PIK3CB: variants seen among roughly 807,000 people sequenced by gnomAD.
PIK3CB encodes phosphatidylinositol 4,5-bisphosphate 3-kinase catalytic subunit beta isoform.
A neutral mutation model predicts 136.8 loss-of-function variants in PIK3CB; 39 were observed. The ratio of observed to expected loss-of-function variants is 0.29; its 90% confidence interval spans 0.22 to 0.37. The LOEUF (loss-of-function observed/expected upper bound fraction) is 0.37. Among genes scored for constraint, PIK3CB ranks in the 10% least tolerant of loss-of-function variants. PIK3CB has a pLI of 1.00. For synonymous variants in PIK3CB, 428 were observed against 436.6 expected (o/e 0.98, Z 0.25); for missense variants, 868 against 1,275.4 (o/e 0.68, Z 4.87).
chr3:138,814,120 C>G (rs1933194327), intron 1 of PIK3CB, among the ~76,000 whole-genome samples: 1 of 152,152 alleles, frequency 6.6e-6, no homozygotes, highest in Non-Finnish European at 1.5e-5. Context: ...GAAAAGACAA[C>G]TTGCCCAAGA....
intron 11 of PIK3CB, among the ~76,000 whole-genome samples, chr3:138,705,200 A>AAAAAT (rs2044353746): frequency 6.9e-6 from 1 of 144,170 alleles, no homozygotes; most frequent in Non-Finnish European, 1.5e-5. Flanking sequence ...CAAAAAAAAA[A>AAAAAT]ACTTATATTT....
At chr3:138,798,841 G>C (rs935669399) in intron 1 of PIK3CB, among the ~76,000 whole-genome samples, 1 of 151,906 alleles carries the variant, frequency 6.6e-6, no homozygotes, top group Non-Finnish European at 1.5e-5. Context: ...CCTTGGAAAA[G>C]GATATTTTCT....
intron 19 of PIK3CB, among the ~76,000 whole-genome samples, chr3:138,679,936 T>TAAAAAACGAAAAAAGAAAAAAAA: frequency 9.0e-6 from 1 of 110,850 alleles, no homozygotes; most frequent in Non-Finnish European, 1.9e-5. Context: ...AACACAAAAG[T>TAAAAAACGAAAAAAGAAAAAAAA]AAAAAAAAAA....
intron 1 of PIK3CB, among the ~76,000 whole-genome samples, chr3:138,814,618 C>T (rs1386184839): frequency 1.3e-5 from 2 of 152,128 alleles, no homozygotes; most frequent in Non-Finnish European, 2.9e-5. Flanking sequence ...TTCCCCAACC[C>T]TCCACCTTCC....
chr3:138,809,736 T>C lies in PIK3CB; in HGVS notation c.-121-13169A>G, dbSNP rs539147468. 3.9e-5 allele frequency among the ~76,000 whole-genome samples: 6 copies of C among 152,266 alleles called. No homozygotes were observed. The South Asian group carries it at 1.2e-3, about 32-fold the overall frequency. The stretch of plus-strand genomic sequence containing the variant: ...AGAAACATCAGTATAAACTAATGTT[T>C]AGCTTAACACAGACATAGTTAAGTA... On this transcript the variant is annotated intron_variant, in intron 1 of 23. Transcript: ENST00000674063.
At chr3:138,687,228 C>CAAA (rs11288177) in intron 16 of PIK3CB, among the ~76,000 whole-genome samples, 2 of 142,406 alleles carry the variant, frequency 1.4e-5, no homozygotes, top group Non-Finnish European at 1.6e-5. Context: ...ATTCATCAAT[C>CAAA]AAAAAAAAAA....
intron 4 of PIK3CB, among the ~76,000 whole-genome samples, chr3:138,743,310 G>T (rs186064198): frequency 1.8e-4 from 27 of 152,158 alleles, no homozygotes; most frequent in Admixed American, 1.6e-3. Context: ...TCTCAATTTT[G>T]CTGTGAACCT....
At chr3:138,783,350 T>C (rs2045941679) in intron 2 of PIK3CB, among the ~76,000 whole-genome samples, 1 of 151,964 alleles carries the variant, frequency 6.6e-6, no homozygotes, top group Non-Finnish European at 1.5e-5. Context: ...AGTGTAATCA[T>C]AGTTCACTGC....
chr3:138,678,364 TA>T (rs920281727), intron 19 of PIK3CB, among the ~76,000 whole-genome samples: 4 of 151,884 alleles, frequency 2.6e-5, no homozygotes, highest in Admixed American at 6.6e-5. Context: ...ACTCTATCTC[TA>T]AAAAAAATTT....
intron 2 of PIK3CB, chr3:138,770,661 A>G (rs984762007): frequency 7.4e-4 from 108 of 145,600 alleles, no homozygotes; most frequent in African/African-American, 2.5e-3. Context: ...AGTGAGTCGG[A>G]AAAAAAAAAG....
intron 19 of PIK3CB, among the ~76,000 whole-genome samples, chr3:138,666,838 G>T (rs1482068187): frequency 6.6e-6 from 1 of 152,144 alleles, no homozygotes; most frequent in Non-Finnish European, 1.5e-5. Context: ...CACTCACTGA[G>T]CAAATGTACA....
intron 1 of PIK3CB, among the ~76,000 whole-genome samples, chr3:138,815,172 TATATAC>T (rs146240808): frequency 0.019 from 2,275 of 120,144 alleles, 128 homozygotes; most frequent in African/African-American, 0.072. Flanking sequence ...AATATATATA[TATATAC>T]ATATATATAT....
At chr3:138,826,153 T>C in intron 1 of PIK3CB, 1 of 1,039,252 alleles carries the variant, frequency 9.6e-7, no homozygotes. Context: ...ATAGTTGATA[T>C]GGTTCCTGAC....
chr3:138,684,874 A>G (rs1234783212), intron 16 of PIK3CB, 71 bp from the exon 17 acceptor site: 8 of 1,067,476 alleles, frequency 7.5e-6, no homozygotes, highest in Non-Finnish European at 1.1e-5. Flanking sequence ...GATCATATCA[A>G]TCAATAACAC....
At chr3:138,669,453 C>T (rs2043487541) in intron 19 of PIK3CB, among the ~76,000 whole-genome samples, 1 of 149,716 alleles carries the variant, frequency 6.7e-6, no homozygotes, top group Non-Finnish European at 1.5e-5. Flanking sequence ...AATGTAAACT[C>T]CATTAGTGTA....
chr3:138,805,224 T>G (rs901421274), intron 1 of PIK3CB, among the ~76,000 whole-genome samples: 1 of 149,950 alleles, frequency 6.7e-6, no homozygotes, highest in Non-Finnish European at 1.5e-5. Context: ...TCTCAGCTAC[T>G]CAGGAGGCTG....
chr3:138,818,123 C>A (rs868374038), intron 1 of PIK3CB, among the ~76,000 whole-genome samples: 18 of 152,146 alleles, frequency 1.2e-4, no homozygotes, highest in African/African-American at 2.7e-4. Context: ...AAGACCCTGT[C>A]TCTATTTAAA....
intron 12 of PIK3CB, among the ~76,000 whole-genome samples, chr3:138,703,818 G>A (rs941162884): frequency 6.6e-5 from 10 of 152,034 alleles, no homozygotes; most frequent in Non-Finnish European, 1.3e-4. Context: ...GACTGATGGC[G>A]TGGCTAAAGA....
chr3:138,694,073 G>C (rs1315430328), intron 14 of PIK3CB, among the ~76,000 whole-genome samples: 1 of 148,842 alleles, frequency 6.7e-6, no homozygotes, highest in Non-Finnish European at 1.5e-5. Context: ...TAACACAGCA[G>C]GCTTGGCTGC....
Sources: allele counts gnomAD v4.1 joint callset (sites outside exome capture counted in the v4.1 genomes callset), GRCh38; gene constraint gnomAD v4.1.1; transcripts MANE v1.5; gene names NCBI Gene and HGNC (gene_info 2026-07-23, HGNC 2026-07-21).